MYRFL: variants seen among roughly 807,000 people sequenced by gnomAD.
The protein encoded by MYRFL is myelin regulatory factor like.
A neutral mutation model predicts 109.4 loss-of-function variants in MYRFL; 88 were observed. That is an observed-to-expected ratio of 0.80 (90% confidence interval 0.68 to 0.96). The LOEUF (loss-of-function observed/expected upper bound fraction) is 0.96. Ranked by LOEUF, MYRFL falls within the 40% of genes least tolerant of loss-of-function variation. MYRFL has a pLI of 0.00. For missense variants in MYRFL, 957 were observed against 954.9 expected (o/e 1.00, Z -0.03); for synonymous variants, 324 against 320.9 (o/e 1.01, Z -0.10).
At chr12:69,905,728 AATTT>A in intron 11 of MYRFL, among the ~76,000 whole-genome samples, 1 of 152,346 alleles carries the variant, frequency 6.6e-6, no homozygotes, top group East Asian at 1.9e-4. Context: ...AATTACATGT[AATTT>A]ATTTATTAAA....
chr12:69,847,786 C>T (rs773886160), intron 1 of MYRFL, among the ~76,000 whole-genome samples: 11 of 152,138 alleles, frequency 7.2e-5, no homozygotes, highest in Non-Finnish European at 1.3e-4. Context: ...CATTAAGAAG[C>T]TTTGATTTGA....
intron 5 of MYRFL, among the ~76,000 whole-genome samples, chr12:69,880,865 C>A (rs1023331117): frequency 6.6e-6 from 1 of 151,510 alleles, no homozygotes; most frequent in Non-Finnish European, 1.5e-5. Context: ...TTCAAATTGG[C>A]AAGTTCCCAG....
chr12:69,955,330 T>C (rs1252982361), intron 21 of MYRFL, 33 bp from the exon 22 acceptor site: 1 of 614,444 alleles, frequency 1.6e-6, no homozygotes, highest in Non-Finnish European at 2.9e-6. Flanking sequence ...CTGCATATTT[T>C]GATTTGTGGT....
At chr12:69,943,897 A>C (rs1244059021) in intron 19 of MYRFL, among the ~76,000 whole-genome samples, 1 of 152,090 alleles carries the variant, frequency 6.6e-6, no homozygotes, top group Non-Finnish European at 1.5e-5. Context: ...ACTTCTCAAA[A>C]GAAGACATTT....
chr12:69,877,280 C>T (rs1258384095), intron 2 of MYRFL, among the ~76,000 whole-genome samples: 4 of 152,120 alleles, frequency 2.6e-5, no homozygotes, highest in African/African-American at 7.2e-5. Flanking sequence ...GCCTCCGCCT[C>T]CCAAAGTGCT....
At chr12:69,854,221 T>G (rs887335363) in intron 1 of MYRFL, among the ~76,000 whole-genome samples, 1 of 151,968 alleles carries the variant, frequency 6.6e-6, no homozygotes, top group East Asian at 2.0e-4. Context: ...GGCGCGTGCC[T>G]GCAATCTCAG....
chr12:69,922,747 C>T (rs1002848430), intron 13 of MYRFL, among the ~76,000 whole-genome samples: 1 of 152,106 alleles, frequency 6.6e-6, no homozygotes, highest in African/African-American at 2.4e-5. Flanking sequence ...ATTATCAAAT[C>T]CAGTTGGTGT....
rs1195761051 is a variant in MYRFL, at chr12:69,879,032, C to T, written c.142C>T (p.Arg48Cys). ...ATGTATGTCTCTAATCTTCAGGCAACGCCAGCTCCCAGACACCCCGCCCTA... is the reference window on the plus strand; with the variant it reads ...ATGTATGTCTCTAATCTTCAGGCAATGCCAGCTCCCAGACACCCCGCCCTA... Reference protein sequence around the residue: ...GNDFDLGALQRQLPDTPPYSA... With the variant: ...GNDFDLGALQCQLPDTPPYSA... The change falls in exon 3 of 25, where the codon CGC becomes TGC. Residue 48 changes from arginine (R) to cysteine (C), a missense_variant. Arg to Cys is a radical substitution (Grantham distance 180). Coordinates refer to ENST00000552032, the MANE Select transcript of MYRFL (RefSeq NM_182530.3). 8.5e-6 allele frequency: 6 copies of T among 702,818 alleles called. No individual in the cohort carries two copies. The highest frequency in any genetic ancestry group is 7.0e-5 in the African/African-American group (4 of 57,256). The allele number at this position is 702,818 out of a possible 1,614,324, so 43.5% of individuals were successfully genotyped here. A position where few individuals can be genotyped will look rare whatever the true frequency, so the allele number is the denominator to read the frequency against.
intron 13 of MYRFL, among the ~76,000 whole-genome samples, chr12:69,925,247 GGGGGCCTCAAC>G (rs1955040059): frequency 6.6e-6 from 1 of 152,160 alleles, no homozygotes; most frequent in Admixed American, 6.5e-5. Context: ...AGGGTGTTCA[GGGGGCCTCAAC>G]AGATCTGTGT....
intron 2 of MYRFL, among the ~76,000 whole-genome samples, chr12:69,872,697 C>T (rs1885424771): frequency 6.6e-6 from 1 of 151,986 alleles, no homozygotes; most frequent in South Asian, 2.1e-4. Flanking sequence ...GATGGGGTTT[C>T]ACCATGTTGG....
chr12:69,832,900 A>T (rs150046887), intron 1 of MYRFL, among the ~76,000 whole-genome samples: 4 of 151,648 alleles, frequency 2.6e-5, no homozygotes, highest in African/African-American at 9.7e-5. Context: ...CAATTCATGG[A>T]TGGTAGTACA....
intron 13 of MYRFL, among the ~76,000 whole-genome samples, chr12:69,924,435 G>A (rs1337329324): frequency 6.6e-6 from 1 of 152,040 alleles, no homozygotes; most frequent in Non-Finnish European, 1.5e-5. Flanking sequence ...AGTATATAGA[G>A]ATATTCTTCC....
intron 1 of MYRFL, among the ~76,000 whole-genome samples, chr12:69,830,798 C>T (rs1377242850): frequency 6.6e-6 from 1 of 152,046 alleles, no homozygotes; most frequent in Admixed American, 6.6e-5. Context: ...GTCACCTGCC[C>T]ACGCTACCTT....
intron 8 of MYRFL, among the ~76,000 whole-genome samples, chr12:69,894,304 G>A (rs1387389873): frequency 6.6e-6 from 1 of 152,072 alleles, no homozygotes; most frequent in Admixed American, 6.5e-5. Context: ...TGCCATTAAT[G>A]TAGTATTAAT....
chr12:69,937,740 T>C (rs1955514864), intron 19 of MYRFL, among the ~76,000 whole-genome samples: 2 of 152,236 alleles, frequency 1.3e-5, no homozygotes, highest in Admixed American at 6.5e-5. Context: ...TAAGTGGTGC[T>C]CATGACCTAC....
intron 1 of MYRFL, among the ~76,000 whole-genome samples, chr12:69,829,432 G>A (rs1686753774): frequency 6.6e-6 from 1 of 152,110 alleles, no homozygotes; most frequent in Non-Finnish European, 1.5e-5. Context: ...TGACTGAAGT[G>A]CTTAATTCAG....
chr12:69,891,371 T>C (rs1212702943), intron 7 of MYRFL, among the ~76,000 whole-genome samples: 4 of 152,196 alleles, frequency 2.6e-5, no homozygotes, highest in African/African-American at 9.6e-5. Flanking sequence ...AACTGGGCCA[T>C]TTTCAAGAAG....
At chr12:69,866,532 T>A (rs1885026152) in intron 2 of MYRFL, among the ~76,000 whole-genome samples, 1 of 152,164 alleles carries the variant, frequency 6.6e-6, no homozygotes, top group African/African-American at 2.4e-5. Context: ...AGGGTTTTTG[T>A]TTTGTTTTGT....
intron 2 of MYRFL, among the ~76,000 whole-genome samples, chr12:69,871,998 G>A (rs565823153): frequency 6.6e-6 from 1 of 151,728 alleles, no homozygotes. Context: ...AAAATATTTA[G>A]CTATGTGATT....
Sources: allele counts gnomAD v4.1 joint callset (sites outside exome capture counted in the v4.1 genomes callset), GRCh38; gene constraint gnomAD v4.1.1; transcripts MANE v1.5; gene names NCBI Gene and HGNC (gene_info 2026-07-23, HGNC 2026-07-21).